Variants in MTHFD1 observed in about 807,000 individuals in gnomAD.
MTHFD1 encodes C-1-tetrahydrofolate synthase, cytoplasmic.
MTHFD1 carries 44 observed loss-of-function variants against 110.3 expected under a neutral mutation model. The ratio of observed to expected loss-of-function variants is 0.40; its 90% CI spans 0.31 to 0.51. The LOEUF (loss-of-function observed/expected upper bound fraction) is 0.51, where lower values mean the gene tolerates loss of function less well. MTHFD1 is among the 20% of genes least tolerant of loss of function. The pLI, the probability that MTHFD1 is intolerant of heterozygous loss-of-function variation, is 0.60. For synonymous variants in MTHFD1, 402 were observed against 428.8 expected (o/e 0.94, Z 0.77); for missense variants, 909 against 1,173.1 (o/e 0.77, Z 3.29).
intron 26 of MTHFD1, 155 bp downstream of exon 26, chr14:64,455,030 T>C: frequency 1.3e-6 from 1 of 777,430 alleles, no homozygotes; most frequent in Non-Finnish European, 2.3e-6. Context: ...TCATAAGCTA[T>C]AAAGCAGGAG....
At chr14:64,446,516 G>A (rs1435878258) in intron 22 of MTHFD1, among the ~76,000 whole-genome samples, 2 of 152,034 alleles carry the variant, frequency 1.3e-5, no homozygotes, top group African/African-American at 4.8e-5. Context: ...CCTTTAGTTT[G>A]TAGTACTTGG....
At chr14:64,404,841 C>T (rs1471716158) in intron 2 of MTHFD1, among the ~76,000 whole-genome samples, 2 of 152,052 alleles carry the variant, frequency 1.3e-5, no homozygotes, top group Non-Finnish European at 1.5e-5. Flanking sequence ...TGTGGTGGTG[C>T]ACACCTGTGA....
At chr14:64,418,058 G>A (rs777914632) in intron 7 of MTHFD1, 34 bp downstream of exon 7, 36 of 1,613,336 alleles carry the variant, frequency 2.2e-5, no homozygotes, top group Non-Finnish European at 2.8e-5. Flanking sequence ...AAGGTGTTAC[G>A]GTGGGGAGGG....
intron 2 of MTHFD1, among the ~76,000 whole-genome samples, chr14:64,406,291 G>A (rs184523147): frequency 1.3e-4 from 20 of 151,572 alleles, no homozygotes; most frequent in Non-Finnish European, 2.4e-4. Flanking sequence ...CGCCTGCCTC[G>A]GCCTCTCAAA....
intron 17 of MTHFD1, chr14:64,439,379 C>T (rs1214112329): frequency 1.9e-5 from 11 of 592,588 alleles, no homozygotes; most frequent in Non-Finnish European, 1.8e-5. Flanking sequence ...GTGTTTTTCC[C>T]CCGGCATTTT....
At chr14:64,416,649 G>A (rs1428050655) in intron 6 of MTHFD1, among the ~76,000 whole-genome samples, 2 of 152,148 alleles carry the variant, frequency 1.3e-5, no homozygotes, top group African/African-American at 4.8e-5. Context: ...GGAAAGTTTT[G>A]GCCAGCATAA....
Position 64,448,223 on chromosome 14 carries a change from G to A in MTHFD1, c.2185G>A (p.Glu729Lys). ...TTCACTGTTGTTTTTACAGAACCTGGAGCTGGTTGAAAAAGGCTTCAGTAA... is the reference window on the plus strand; with the variant it reads ...TTCACTGTTGTTTTTACAGAACCTGAAGCTGGTTGAAAAAGGCTTCAGTAA... Reference protein sequence around the residue: ...LPKAYIQENLELVEKGFSNLK... With the variant: ...LPKAYIQENLKLVEKGFSNLK... Residue 729 changes from glutamate to lysine, a missense_variant, in exon 23 of 28, where the codon GAG becomes AAG. Transcript: ENST00000652337. 6.2e-7 allele frequency: 1 copy of A among 1,613,552 alleles called. No individual in the cohort carries two copies. The highest frequency in any genetic ancestry group is 1.1e-5 in the South Asian group (1 of 91,074).
At chr14:64,456,694 C>T (rs1320004284) in intron 26 of MTHFD1, among the ~76,000 whole-genome samples, 1 of 152,198 alleles carries the variant, frequency 6.6e-6, no homozygotes, top group Non-Finnish European at 1.5e-5. Flanking sequence ...ACTTGTCTCA[C>T]ACCTAGCACC....
intron 2 of MTHFD1, among the ~76,000 whole-genome samples, chr14:64,406,551 G>C (rs1486946691): frequency 6.7e-6 from 1 of 149,452 alleles, no homozygotes; most frequent in Non-Finnish European, 1.5e-5. Context: ...GGAGTGCAGG[G>C]GTGTGATCAC....
intron 15 of MTHFD1, among the ~76,000 whole-genome samples, chr14:64,432,159 A>G (rs575383972): frequency 1.7e-4 from 26 of 152,368 alleles, no homozygotes; most frequent in African/African-American, 5.8e-4. Context: ...CTGTGGCGGC[A>G]TAGCAGCCTT....
chr14:64,418,661 A>C (rs1364686290), intron 7 of MTHFD1, among the ~76,000 whole-genome samples: 1 of 151,862 alleles, frequency 6.6e-6, no homozygotes, highest in Non-Finnish European at 1.5e-5. Context: ...GGTTCAAGTG[A>C]TTCTCCTGCC....
chr14:64,398,621 C>A (rs999533005), intron 1 of MTHFD1, among the ~76,000 whole-genome samples: 6 of 152,154 alleles, frequency 3.9e-5, no homozygotes. Flanking sequence ...TTTCTTGTAC[C>A]ATTCAACATT....
At chr14:64,400,617 G>A (rs1489405344) in intron 1 of MTHFD1, among the ~76,000 whole-genome samples, 176 bp from the exon 2 acceptor site, 2 of 152,194 alleles carry the variant, frequency 1.3e-5, no homozygotes, top group African/African-American at 4.8e-5. Context: ...GAGCCCAGGA[G>A]GTCGAGGCTG....
At chr14:64,405,521 GCAC>G (rs1779218100) in intron 2 of MTHFD1, among the ~76,000 whole-genome samples, 1 of 152,112 alleles carries the variant, frequency 6.6e-6, no homozygotes, top group Admixed American at 6.5e-5. Context: ...TGTGGTGCTG[GCAC>G]CACCATCTTC....
chr14:64,450,463 G>A (rs747225893), intron 24 of MTHFD1, among the ~76,000 whole-genome samples: 4 of 152,062 alleles, frequency 2.6e-5, no homozygotes, highest in South Asian at 2.1e-4. Context: ...CCATCACTAA[G>A]CAAATTAAAT....
Position 64,424,801 on chromosome 14 carries a change from C to G in MTHFD1, c.728-3C>G. The G allele has an allele frequency of 6.2e-7, 1 of 1,613,896 alleles. No homozygotes were observed. Among genetic ancestry groups the G allele is most frequent in the Non-Finnish European group, 8.5e-7 (1 of 1,179,992 alleles). On this transcript the variant is annotated splice_region_variant and splice_polypyrimidine_tract_variant and intron_variant, in intron 8 of 27. Transcript: ENST00000652337. ...AGTTTTGATTTCTCCCCCACTTGAC[C>G]AGATGATAAAAAACCAAATGGGAGA...
At chr14:64,459,155 G>C (rs551285922) in intron 27 of MTHFD1, among the ~76,000 whole-genome samples, 1 of 152,174 alleles carries the variant, frequency 6.6e-6, no homozygotes, top group Non-Finnish European at 1.5e-5. Flanking sequence ...ATTTTCAGAC[G>C]TGCAAGGGTT....
At chr14:64,422,369 G>GT (rs1243383219) in intron 8 of MTHFD1, among the ~76,000 whole-genome samples, 7 of 152,080 alleles carry the variant, frequency 4.6e-5, no homozygotes, top group Non-Finnish European at 1.0e-4. Context: ...TATTTAAATA[G>GT]TTTGCATGGT....
At chr14:64,455,523 G>C (rs1038988991) in intron 26 of MTHFD1, among the ~76,000 whole-genome samples, 4 of 152,314 alleles carry the variant, frequency 2.6e-5, no homozygotes, top group African/African-American at 9.6e-5. Context: ...AGTTTGGGCT[G>C]ACATTGTTCC....
Sources: gnomAD v4.1 joint callset for allele counts (sites outside exome capture counted in the v4.1 genomes callset) on GRCh38, gnomAD v4.1.1 for gene constraint, MANE v1.5 for transcripts, NCBI Gene and HGNC (gene_info 2026-07-23, HGNC 2026-07-21) for gene names.